The following ZNF33A variants were observed in gnomAD, a reference collection of about 807,000 sequenced individuals.
ZNF33A encodes zinc finger protein 33A, also known as brain my041 protein.
ZNF33A carries 9 observed loss-of-function variants against 15.9 expected under a neutral mutation model. That is an observed-to-expected ratio of 0.57 (90% CI 0.34 to 0.99). The LOEUF is 0.99. Among genes scored for constraint, ZNF33A ranks in the 50% least tolerant of loss-of-function variants. The pLI is 0.02. For missense variants in ZNF33A, 843 were observed against 941.6 expected, an observed-to-expected ratio of 0.90 and a Z score of 1.37; for synonymous variants, 294 against 324.2, an observed-to-expected ratio of 0.91 and a Z score of 1.00.
intron 4 of ZNF33A, among the ~76,000 whole-genome samples, chr10:38,048,047 C>T (rs1057079982): frequency 2.2e-4 from 33 of 152,118 alleles, no homozygotes; most frequent in African/African-American, 4.3e-4. Flanking sequence ...AAAAACTCAA[C>T]GTAGAGTTAT....
intron 1 of ZNF33A, 109 bp downstream of exon 1, chr10:38,010,892 TA>T: frequency 7.3e-7 from 1 of 1,376,988 alleles, no homozygotes; most frequent in East Asian, 2.3e-5. Context: ...GGGGACCTCA[TA>T]GGGGAAGGCG....
chr10:38,047,101 G>T (rs759547640), intron 4 of ZNF33A, among the ~76,000 whole-genome samples: 26 of 144,756 alleles, frequency 1.8e-4, no homozygotes, highest in Non-Finnish European at 3.4e-4. Flanking sequence ...GATCACTTGA[G>T]CCTGAGAGGT....
chr10:38,042,503 C>CT (rs34942508), intron 4 of ZNF33A, among the ~76,000 whole-genome samples: 69,836 of 135,450 alleles, frequency 0.52, 18,244 homozygotes, highest in South Asian at 0.72. Flanking sequence ...TTGCTTTATT[C>CT]TTTTTTTTTT....
intron 1 of ZNF33A, 105 bp downstream of exon 1, chr10:38,010,888 C>A (rs1320613954): frequency 7.1e-7 from 1 of 1,408,374 alleles, no homozygotes. Flanking sequence ...GCCCGGGGAC[C>A]TCATAGGGGA....
chr10:38,050,543 G>A (rs1302809024), intron 4 of ZNF33A, among the ~76,000 whole-genome samples: 3 of 152,218 alleles, frequency 2.0e-5, no homozygotes, highest in African/African-American at 7.2e-5. Context: ...GACTATGTGT[G>A]CAAGTAGACA....
At chr10:38,046,599 ACT>A (rs553036275) in intron 4 of ZNF33A, among the ~76,000 whole-genome samples, 37 of 152,268 alleles carry the variant, frequency 2.4e-4, no homozygotes, top group Middle Eastern at 3.4e-3. Context: ...ACCAAGTAAA[ACT>A]CTCAGTCTTC....
At chr10:38,031,395 A>C (rs1444182334) in intron 4 of ZNF33A, among the ~76,000 whole-genome samples, 2 of 151,596 alleles carry the variant, frequency 1.3e-5, no homozygotes, top group Non-Finnish European at 2.9e-5. Flanking sequence ...CATGGTGAAA[A>C]CCCATCTCTA....
intron 2 of ZNF33A, chr10:38,016,183 A>G (rs2064443057): frequency 2.4e-6 from 1 of 422,634 alleles, no homozygotes; most frequent in African/African-American, 2.0e-5. Flanking sequence ...TTTAAATCCA[A>G]ATGAGAGTTA....
intron 4 of ZNF33A, among the ~76,000 whole-genome samples, chr10:38,041,065 T>C (rs997667048): frequency 6.6e-6 from 1 of 152,196 alleles, no homozygotes; most frequent in African/African-American, 2.4e-5. Context: ...GTCTCCTGCT[T>C]TTTTGGTACT....
intron 1 of ZNF33A, 24 bp downstream of exon 1, chr10:38,010,807 G>T (rs2064132888): frequency 1.3e-6 from 2 of 1,597,318 alleles, no homozygotes; most frequent in South Asian, 2.2e-5. Context: ...GGTTGGGCAG[G>T]GAGAGAGAGG....
In ZNF33A at chr10:38,016,907, G is replaced by T; in HGVS notation, c.46G>T (p.Asp16Tyr). 6.2e-7 allele frequency: 1 copy of T among 1,614,058 alleles called. No individual in the cohort carries two copies. Among genetic ancestry groups the T allele is most frequent in the Non-Finnish European group, 8.5e-7 (1 of 1,180,006 alleles). Residue 16 changes from aspartate to tyrosine, a missense_variant, in exon 3 of 5, where the codon GAT (aspartate) becomes TAT (tyrosine). Transcript: ENST00000432900. ...GTCCCAGGAGTCAGTATCATTTAAA[G>T]ATGTGACTGTGGGCTTCACCCAGGA... ...QKSQESVSFKDVTVGFTQEEW... is the reference protein window; with the variant it reads ...QKSQESVSFKYVTVGFTQEEW...
At chr10:38,024,252 T>C (rs749154187) in intron 4 of ZNF33A, among the ~76,000 whole-genome samples, 7 of 149,830 alleles carry the variant, frequency 4.7e-5, no homozygotes, top group Non-Finnish European at 8.9e-5. Context: ...TGAACACATA[T>C]AATCAATTTC....
At position 38,055,680 on chromosome 10, in the gene ZNF33A, A is replaced by C; in HGVS notation, c.1556A>C (p.His519Pro). 2 of 1,613,994 alleles carry C rather than the reference A, an allele frequency of 1.2e-6. No homozygotes were observed. The highest frequency in any genetic ancestry group is 1.7e-6 in the Non-Finnish European group (2 of 1,179,990). The change falls in exon 5 of 5, where the codon CAT becomes CCT. Residue 519 changes from histidine to proline, a missense_variant. Transcript: ENST00000432900. ...KSLLTRHQII[H>P]TGWKPYECYE... ...TTACTCACCAGGCATCAGATAATTC[A>C]TACAGGGTGGAAACCTTATGAATGT... is the stretch of plus-strand genomic sequence containing the variant.
chr10:38,015,235 T>C (rs555583900), intron 2 of ZNF33A, among the ~76,000 whole-genome samples: 1 of 152,328 alleles, frequency 6.6e-6, no homozygotes, highest in South Asian at 2.1e-4. Context: ...TGATTTTCTC[T>C]TGATGGCTTT....
chr10:38,061,047 G>C (rs2066649036), downstream of ZNF33A, among the ~76,000 whole-genome samples: 1 of 152,106 alleles, frequency 6.6e-6, no homozygotes, highest in Non-Finnish European at 1.5e-5. Context: ...GTGACGAACT[G>C]ATCAGCATTT....
In ZNF33A at chr10:38,044,125, T is replaced by TTTTTAAGTA. The variant is rs1170613185; in HGVS notation, c.251-10250_251-10249insTTTTAAGTA. 5 of 152,206 alleles carry TTTTTAAGTA rather than the reference T, an allele frequency of 3.3e-5. No individual in the cohort carries two copies. In the East Asian group the frequency reaches 5.8e-4, roughly 18 times the overall value. The allele number at this position is 152,206 out of a possible 1,614,324, so 9.4% of individuals were successfully genotyped here. ...TTTCATCACTCTTATTTCTCTCTGT[T>TTTTTAAGTA]CTTTAGATTACTTAATCTCTATTGA... On this transcript the variant is annotated intron_variant, in intron 4 of 4. Transcript: ENST00000432900.
At chr10:38,064,182 G>T, downstream of ZNF33A, 2 of 1,483,584 alleles carry the variant, frequency 1.3e-6, no homozygotes, top group Non-Finnish European at 1.8e-6. Flanking sequence ...GAAGATCCAT[G>T]GCCTTCCCTT....
chr10:38,026,562 T>C (rs1183669574), intron 4 of ZNF33A, among the ~76,000 whole-genome samples: 1 of 152,194 alleles, frequency 6.6e-6, no homozygotes, highest in Non-Finnish European at 1.5e-5. Flanking sequence ...ACACCTGACC[T>C]CAGGTGATCC....
Position 38,055,187 on chromosome 10 carries a change from A to G in ZNF33A, c.1063A>G (p.Lys355Glu). 1 of 1,614,170 alleles carries G rather than the reference A, an allele frequency of 6.2e-7. No homozygotes were observed. The highest frequency in any genetic ancestry group is 1.7e-5 in the Admixed American group (1 of 60,024). ...ACATCAGAGGGTGCACACAGGACAG[A>G]AACCCTTTCAATGTAATGAATGTGA... Reference protein sequence around the residue: ...TRHQRVHTGQKPFQCNECEKA... With the variant: ...TRHQRVHTGQEPFQCNECEKA... Residue 355 changes from lysine to glutamate, a missense_variant, in exon 5 of 5, where the codon AAA becomes GAA. Physicochemically the swap from Lys to Glu is moderately conservative, Grantham distance 56. Transcript: ENST00000432900.
Sources: gnomAD v4.1 joint callset for allele counts (sites outside exome capture counted in the v4.1 genomes callset) on GRCh38, gnomAD v4.1.1 for gene constraint, MANE v1.5 for transcripts, NCBI Gene and HGNC (gene_info 2026-07-23, HGNC 2026-07-21) for gene names.